The following FTCDNL1 variants were observed in gnomAD, a reference collection of about 807,000 sequenced individuals.
The protein encoded by FTCDNL1 is formiminotransferase N-terminal subdomain-containing protein.
A neutral mutation model predicts 5.9 loss-of-function variants in FTCDNL1; 11 were observed. The observed-to-expected ratio is 1.87, with a 90% confidence interval of 1.18 to 3.10. The LOEUF (loss-of-function observed/expected upper bound fraction) is 3.10. Ranked by LOEUF, FTCDNL1 falls within the 30% of genes most tolerant of loss-of-function variation. The pLI is 0.00. For synonymous variants in FTCDNL1, 58 were observed against 24.8 expected, an observed-to-expected ratio of 2.34 and a Z score of -3.99; for missense variants, 115 against 65.5, an observed-to-expected ratio of 1.76 and a Z score of -2.61.
chr2:199,784,584 G>A (rs117400364), intron 3 of FTCDNL1, among the ~76,000 whole-genome samples: 2 of 152,278 alleles, frequency 1.3e-5, no homozygotes, highest in East Asian at 1.9e-4. Flanking sequence ...TTGGGCAGAG[G>A]GAGAACTTTC....
At chr2:199,671,167 C>CAA in the FTCDNL1 span, among the ~76,000 whole-genome samples, 368 of 136,178 alleles carry the variant, frequency 2.7e-3, 4 homozygotes, top group African/African-American at 1.0e-2. Flanking sequence ...AAATCCATGG[C>CAA]AAAAAAAAAA....
chr2:199,770,594 C>G (rs536669231), intron 3 of FTCDNL1, among the ~76,000 whole-genome samples: 24 of 152,110 alleles, frequency 1.6e-4, no homozygotes, highest in Middle Eastern at 3.2e-3. Context: ...TTTCCTGAGC[C>G]CCCCAGGGCT....
downstream of FTCDNL1, among the ~76,000 whole-genome samples, chr2:199,759,838 G>C (rs1179393098): frequency 6.6e-6 from 1 of 152,134 alleles, no homozygotes; most frequent in Non-Finnish European, 1.5e-5. Context: ...TAGGTCCCTA[G>C]TTTCAGTAGC....
intron 3 of FTCDNL1, among the ~76,000 whole-genome samples, chr2:199,766,176 C>G (rs1190019416): frequency 1.3e-5 from 2 of 152,130 alleles, no homozygotes; most frequent in Admixed American, 6.6e-5. Flanking sequence ...ATTATAAGTG[C>G]AAATATAAAT....
At chr2:199,799,436 G>A (rs1214437092) in intron 3 of FTCDNL1, among the ~76,000 whole-genome samples, 1 of 152,144 alleles carries the variant, frequency 6.6e-6, no homozygotes, top group East Asian at 1.9e-4. Context: ...TTCTGCTTCT[G>A]TAGATGTGGC....
At chr2:199,698,889 A>C in the FTCDNL1 span, among the ~76,000 whole-genome samples, 31 of 152,306 alleles carry the variant, frequency 2.0e-4, no homozygotes, top group East Asian at 5.8e-3. Context: ...CAAAGAAAGA[A>C]AGAGAGATGA....
the FTCDNL1 span, among the ~76,000 whole-genome samples, chr2:199,691,246 C>T: frequency 2.6e-5 from 4 of 152,178 alleles, no homozygotes; most frequent in Admixed American, 2.0e-4. Flanking sequence ...GATCTTGGCT[C>T]ACTGCAACCT....
chr2:199,790,691 C>A (rs1162209945), intron 3 of FTCDNL1, among the ~76,000 whole-genome samples: 5 of 152,086 alleles, frequency 3.3e-5, no homozygotes, highest in Admixed American at 2.6e-4. Context: ...CATATCCACA[C>A]TGTCAACCAG....
intron 3 of FTCDNL1, among the ~76,000 whole-genome samples, chr2:199,843,609 C>G (rs967831983): frequency 2.6e-5 from 4 of 152,154 alleles, no homozygotes; most frequent in Non-Finnish European, 5.9e-5. Context: ...TGTAGCTCAG[C>G]TAAAGTCCAA....
At position 199,810,892 on chromosome 2, in the gene FTCDNL1, T is replaced by C. The variant is rs184430087; in HGVS notation, c.*1813A>G. On this transcript the variant is annotated 3_prime_UTR_variant, in exon 5 of 5. Coordinates refer to ENST00000420128, the MANE Select transcript of FTCDNL1 (RefSeq NM_001363886.2). Reference sequence around the variant, plus strand: ...AAACTTATTGCTCCTGATGTCAGCATCCATCAGAGAAATGCCTTCTGGGTT... The same window carrying C: ...AAACTTATTGCTCCTGATGTCAGCACCCATCAGAGAAATGCCTTCTGGGTT... 1.7e-3 allele frequency among the ~76,000 whole-genome samples: 253 copies of C among 152,330 alleles called. 1 individual carries two copies. The highest frequency in any genetic ancestry group is 2.3e-3 in the Non-Finnish European group (158 of 68,038).
the FTCDNL1 span, among the ~76,000 whole-genome samples, chr2:199,726,248 G>A: frequency 6.6e-6 from 1 of 152,076 alleles, no homozygotes; most frequent in Non-Finnish European, 1.5e-5. Flanking sequence ...GGTCATTTAT[G>A]TTCCTCTCTA....
the FTCDNL1 span, among the ~76,000 whole-genome samples, chr2:199,727,546 T>G: frequency 6.6e-6 from 1 of 152,184 alleles, no homozygotes; most frequent in Non-Finnish European, 1.5e-5. Context: ...GGCTCCCAGC[T>G]GGGTAGTTGT....
the FTCDNL1 span, among the ~76,000 whole-genome samples, chr2:199,738,874 T>C: frequency 6.6e-6 from 1 of 152,312 alleles, no homozygotes; most frequent in Non-Finnish European, 1.5e-5. Flanking sequence ...CACTTAACTC[T>C]TCCAAAGGAA....
intron 4 of FTCDNL1, among the ~76,000 whole-genome samples, chr2:199,816,064 A>C (rs538527567): frequency 7.9e-4 from 121 of 152,330 alleles, no homozygotes; most frequent in African/African-American, 2.8e-3. Flanking sequence ...TTTTTAAGGA[A>C]GAATATGTGC....
intron 3 of FTCDNL1, among the ~76,000 whole-genome samples, chr2:199,793,377 T>C (rs113623851): frequency 2.0e-5 from 3 of 152,168 alleles, no homozygotes; most frequent in Non-Finnish European, 4.4e-5. Context: ...GGGGGGGCAT[T>C]ACTTGAGAAG....
the FTCDNL1 span, among the ~76,000 whole-genome samples, chr2:199,731,627 G>A: frequency 1.2e-4 from 19 of 152,270 alleles, no homozygotes; most frequent in African/African-American, 3.8e-4. Flanking sequence ...ATCCCCTCAC[G>A]CCTGTAATCC....
chr2:199,752,698 T>C, the FTCDNL1 span, among the ~76,000 whole-genome samples: 1 of 152,162 alleles, frequency 6.6e-6, no homozygotes, highest in East Asian at 1.9e-4. Context: ...TCTGTGTCTC[T>C]CTCTTGCTTT....
rs1485982458 is a variant in FTCDNL1, at chr2:199,777,642, G to C, written c.212-16807C>G. 2.0e-5 allele frequency among the ~76,000 whole-genome samples: 3 copies of C among 152,166 alleles called. No homozygotes were observed. The East Asian group carries it at 5.8e-4, about 29-fold the overall frequency. ...CCAAATATCTGGATATTATGGCCAA[G>C]CTGACACATAACATTAACCAGCACA... is the stretch of plus-strand genomic sequence containing the variant. On this transcript the variant is annotated intron_variant, in intron 3 of 3. Transcript: ENST00000416668.
the FTCDNL1 span, among the ~76,000 whole-genome samples, chr2:199,685,207 C>T: frequency 2.6e-5 from 4 of 152,100 alleles, no homozygotes; most frequent in East Asian, 5.8e-4. Context: ...GCAATGGAAC[C>T]TCTGAGACAA....
Sources: allele counts gnomAD v4.1 joint callset (sites outside exome capture counted in the v4.1 genomes callset), GRCh38; gene constraint gnomAD v4.1.1; transcripts MANE v1.5; gene names NCBI Gene and HGNC (gene_info 2026-07-23, HGNC 2026-07-21).